SLC27A4: variants seen among roughly 807,000 people sequenced by gnomAD.
SLC27A4 encodes solute carrier family 27 member 4, also known as long-chain fatty acid transport protein 4.
A neutral mutation model predicts 64.4 loss-of-function variants in SLC27A4; 33 were observed. The observed-to-expected ratio is 0.51, with a 90% confidence interval of 0.39 to 0.68. SLC27A4 has a LOEUF of 0.68. Ranked by LOEUF, SLC27A4 falls within the 30% of genes least tolerant of loss-of-function variation. The pLI, the probability that SLC27A4 is intolerant of heterozygous loss-of-function variation, is 0.00. For synonymous variants in SLC27A4, 377 were observed against 370.0 expected (o/e 1.02, Z -0.22); for missense variants, 824 against 883.5 (o/e 0.93, Z 0.85).
rs773093434 is a variant in SLC27A4, at chr9:128,348,690, C to G, written c.702C>G (p.Asp234Glu). The G allele has an allele frequency of 6.2e-7, 1 of 1,613,880 alleles. No homozygotes were observed. The highest frequency in any genetic ancestry group is 8.5e-7 in the Non-Finnish European group (1 of 1,180,024). ...DAPKHLPSCP[D>E]KGFTDKLFYI... is the part of the protein sequence containing the mutation. ...CCAAGCACCTTCCCAGTTGCCCTGA[C>G]AAGGGCTTCACAGGTGGGCTCCATC... Residue 234 changes from aspartate (D) to glutamate (E), a missense_variant, in exon 4 of 13, where the codon GAC becomes GAG. Coordinates refer to ENST00000300456, the MANE Select transcript of SLC27A4 (RefSeq NM_005094.4).
intron 7 of SLC27A4, 69 bp downstream of exon 7, chr9:128,352,816 G>T: frequency 7.8e-7 from 1 of 1,284,074 alleles, no homozygotes; most frequent in Non-Finnish European, 1.1e-6. Context: ...ACACTCCGGG[G>T]CATCTGTCTT....
chr9:128,344,251 C>T (rs535003005), intron 2 of SLC27A4, among the ~76,000 whole-genome samples: 196 of 152,258 alleles, frequency 1.3e-3, no homozygotes, highest in African/African-American at 4.5e-3. Flanking sequence ...GGCGCAGTGG[C>T]TCACACCTGT....
In SLC27A4 at chr9:128,348,390, G is replaced by A. The variant is rs187916853; in HGVS notation, c.557-155G>A. ...GCCCATGGCTAATAGAACCATTGCC[G>A]GTGCCCCTGTCAACACTGAAGGCCC... On this transcript the variant is annotated intron_variant, in intron 3 of 12. Transcript: ENST00000300456. 1.6e-4 allele frequency among the ~76,000 whole-genome samples: 24 copies of A among 152,286 alleles called. 1 individual carries two copies. The highest frequency in any genetic ancestry group is 1.4e-3 in the Admixed American group (22 of 15,298).
chr9:128,340,628 C>T lies in SLC27A4; in HGVS notation c.-217C>T, dbSNP rs1832554359. ...GGCCTGGCACAGCAGGTTTGGGGTGCGGGAGGCGGGCGGGGTAGGAGCGCG... is the reference window on the plus strand; with the variant it reads ...GGCCTGGCACAGCAGGTTTGGGGTGTGGGAGGCGGGCGGGGTAGGAGCGCG... On this transcript the variant is annotated 5_prime_UTR_variant, in exon 1 of 13. Coordinates refer to ENST00000300456, the MANE Select transcript of SLC27A4 (RefSeq NM_005094.4). The T allele has an allele frequency of 3.1e-5, 6 of 191,856 alleles. No individual in the cohort carries two copies. In the South Asian group the frequency reaches 2.0e-3, roughly 65 times the overall value. 11.9% of individuals were successfully genotyped at this position (191,856 alleles called of 1,614,324 possible).
intron 9 of SLC27A4, among the ~76,000 whole-genome samples, chr9:128,354,242 C>A (rs1470781965): frequency 6.6e-6 from 1 of 152,136 alleles, no homozygotes; most frequent in Non-Finnish European, 1.5e-5. Context: ...CCATGCCCGG[C>A]CCTCATTCAT....
In SLC27A4 at chr9:128,353,549, A is replaced by T; in HGVS notation, c.1324+8A>T. ...GCATTCCCTGCCAGCCAGGTCTGCC[A>T]CTTCGGGGTCAGAGAGGGAGGGGTT... On this transcript the variant is annotated splice_region_variant and intron_variant, in intron 9 of 12. Coordinates refer to ENST00000300456, the MANE Select transcript of SLC27A4 (RefSeq NM_005094.4). This position sits in a 1 kb window ranked among gnomAD's most constrained non-coding sequence, Gnocchi z 4.9. The T allele has an allele frequency of 6.2e-7, 1 of 1,613,630 alleles. No individual in the cohort carries two copies. Among genetic ancestry groups the T allele is most frequent in the Non-Finnish European group, 8.5e-7 (1 of 1,179,738 alleles).
rs1324002238 is a variant in SLC27A4 at position 128,353,585 on chromosome 9, G to A, written c.1324+44G>A. The A allele has an allele frequency of 1.1e-5, 18 of 1,607,356 alleles. 1 individual carries two copies. The highest frequency in any genetic ancestry group is 2.2e-5 in the South Asian group (2 of 90,612). ...AGAGAGGGAGGGGTTGGCCTGGGAA[G>A]GAAGGAGGCCAGGCGCGTGTGGATG... On this transcript the variant is annotated intron_variant, in intron 9 of 12. Coordinates refer to ENST00000300456, the MANE Select transcript of SLC27A4 (RefSeq NM_005094.4). The surrounding 1 kb of genome is among the most constrained non-coding windows in gnomAD (Gnocchi z 4.9).
intron 4 of SLC27A4, among the ~76,000 whole-genome samples, chr9:128,350,063 C>T (rs1251777473): frequency 2.0e-5 from 3 of 152,246 alleles, no homozygotes; most frequent in Admixed American, 1.3e-4. Context: ...GGGCCAGGCC[C>T]GTGCCCATCT....
intron 4 of SLC27A4, 23 bp downstream of exon 4, chr9:128,348,726 A>G: frequency 6.2e-7 from 1 of 1,609,932 alleles, no homozygotes; most frequent in East Asian, 2.2e-5. Flanking sequence ...CCCTCCCCAT[A>G]GAGGGGCTCT....
intron 5 of SLC27A4, 39 bp downstream of exon 5, chr9:128,350,420 G>A: frequency 1.2e-6 from 2 of 1,612,988 alleles, no homozygotes; most frequent in South Asian, 2.2e-5. Context: ...GGCACAGGCA[G>A]GGCTGGGGAG....
chr9:128,354,105 G>A (rs1238333381), intron 9 of SLC27A4, among the ~76,000 whole-genome samples: 7 of 151,696 alleles, frequency 4.6e-5, no homozygotes, highest in African/African-American at 7.3e-5. Flanking sequence ...CACCATGCCC[G>A]GCTAGTTTTT....
intron 6 of SLC27A4, 141 bp from the exon 7 acceptor site, chr9:128,352,497 G>T (rs555208861): frequency 2.8e-6 from 2 of 719,524 alleles, no homozygotes; most frequent in East Asian, 2.7e-5. Context: ...CTTGGAGGAG[G>T]TCACCCAAGG....
intron 1 of SLC27A4, chr9:128,342,783 C>T: frequency 2.4e-6 from 1 of 412,592 alleles, no homozygotes; most frequent in Non-Finnish European, 4.6e-6. Flanking sequence ...AAGAACACGT[C>T]TCACTACACC....
rs777972512 is a variant in SLC27A4, at chr9:128,353,100, GT to G, written c.1065del (p.Arg356AlafsTer4). The G allele has an allele frequency of 1.9e-6, 3 of 1,614,048 alleles. No individual in the cohort carries two copies. Among genetic ancestry groups the G allele is most frequent in the Admixed American group, 3.3e-5 (2 of 59,990 alleles). On this transcript the variant is annotated frameshift_variant, in exon 8 of 13. Transcript: ENST00000300456. LOFTEE classifies it high-confidence loss of function. The surrounding 1 kb of genome is among the most constrained non-coding windows in gnomAD (Gnocchi z 4.9). ...PPREAENQHQ[V>X]RMALGNGLRQ... Reference sequence around the variant, plus strand: ...GCGGGAGGCAGAAAACCAGCACCAGGTTCGCATGGCACTAGGCAATGGCCTC... The same window carrying G: ...GCGGGAGGCAGAAAACCAGCACCAGGTCGCATGGCACTAGGCAATGGCCTC...
At chr9:128,341,100 A>G (rs1039986572) in intron 1 of SLC27A4, among the ~76,000 whole-genome samples, 2 of 152,156 alleles carry the variant, frequency 1.3e-5, no homozygotes, top group African/African-American at 2.4e-5. Context: ...ATGGCGGGCT[A>G]TGGGAGGCCA....
chr9:128,348,356 CTG>C (rs1002661161), intron 3 of SLC27A4, among the ~76,000 whole-genome samples, 187 bp from the exon 4 acceptor site: 2 of 152,218 alleles, frequency 1.3e-5, no homozygotes, highest in African/African-American at 4.8e-5. Context: ...CGGACCTACT[CTG>C]TGGTTAGCCC....
chr9:128,346,293 G>T (rs1394631137), intron 3 of SLC27A4, among the ~76,000 whole-genome samples: 2 of 151,850 alleles, frequency 1.3e-5, no homozygotes, highest in Non-Finnish European at 2.9e-5. Context: ...GAGTGCAGTG[G>T]CGTGATCTCG....
chr9:128,350,447 T>G (rs757795430), intron 5 of SLC27A4, 37 bp from the exon 6 acceptor site: 1 of 1,611,850 alleles, frequency 6.2e-7, no homozygotes, highest in East Asian at 2.2e-5. Flanking sequence ...TCTGCCTTTC[T>G]AGGGCCCGCT....
In SLC27A4 at chr9:128,345,625, G is replaced by T; in HGVS notation, c.556+76G>T. 6.8e-7 allele frequency: 1 copy of T among 1,478,974 alleles called. No individual in the cohort carries two copies. Among genetic ancestry groups the T allele is most frequent in the South Asian group, 1.3e-5 (1 of 75,520 alleles). The allele number at this position is 1,478,974 out of a possible 1,614,324, so 91.6% of individuals were successfully genotyped here. ...CAGACCACAGCTCCCTTCCAGCCCT[G>T]CCAAGGCTGTGTGGGTCAGTGGTTA... On this transcript the variant is annotated intron_variant, in intron 3 of 12. Transcript: ENST00000300456. This position sits in a 1 kb window ranked among gnomAD's most constrained non-coding sequence, Gnocchi z 4.1.
Sources: allele counts gnomAD v4.1 joint callset (sites outside exome capture counted in the v4.1 genomes callset), GRCh38; gene constraint gnomAD v4.1.1; non-coding constraint Gnocchi (gnomAD v3.1); transcripts MANE v1.5; gene names NCBI Gene and HGNC (gene_info 2026-07-23, HGNC 2026-07-21).